Variants in CENPN observed in about 807,000 individuals in gnomAD.
The protein encoded by CENPN is centromere protein N, also known as interphase centromere complex protein 32.
In CENPN, 36 loss-of-function variants were observed where a neutral mutation model predicts 48.6. The ratio of observed to expected loss-of-function variants is 0.74; its 90% CI spans 0.57 to 0.98. The LOEUF is 0.98. Ranked by LOEUF, CENPN falls within the 50% of genes least tolerant of loss-of-function variation. The pLI is 0.00. For synonymous variants in CENPN, 166 were observed against 135.2 expected, an observed-to-expected ratio of 1.23 and a Z score of -1.58; for missense variants, 439 against 399.2, an observed-to-expected ratio of 1.10 and a Z score of -0.85.
chr16:81,023,606 C>T (rs931912704), intron 7 of CENPN: 2 of 152,124 alleles, frequency 1.3e-5, no homozygotes, highest in African/African-American at 4.8e-5. Flanking sequence ...CTACCTACTA[C>T]CCTCTCACCA....
intron 9 of CENPN, 22 bp from the exon 10 acceptor site, chr16:81,028,149 A>C (rs780892905): frequency 1.3e-6 from 2 of 1,546,222 alleles, no homozygotes; most frequent in Admixed American, 3.3e-5. Flanking sequence ...TTTAATAGTC[A>C]TTTATAAATG....
At chr16:81,011,071 T>G (rs1969722264) in intron 1 of CENPN, among the ~76,000 whole-genome samples, 2 of 152,282 alleles carry the variant, frequency 1.3e-5, no homozygotes, top group African/African-American at 2.4e-5. Context: ...TGACCTCACC[T>G]CCTTCTCTAT....
chr16:81,025,108 C>T (rs765897403), intron 8 of CENPN, among the ~76,000 whole-genome samples: 17 of 151,432 alleles, frequency 1.1e-4, no homozygotes, highest in Non-Finnish European at 2.2e-4. Flanking sequence ...TGTGAATAAG[C>T]GCCATTCATC....
Position 81,028,611 on chromosome 16 carries a change from C to A in CENPN, c.980C>A (p.Pro327His), listed in dbSNP as rs754823415. ...APLSPLLTCI[P>H]NKRMNYFKIR... is the part of the protein sequence containing the mutation. Reference sequence around the variant, plus strand: ...CTTTCTCCACTGCTCACTTGCATACCCAACAAGAGAATGAATTATTTTAAA... The same window carrying A: ...CTTTCTCCACTGCTCACTTGCATACACAACAAGAGAATGAATTATTTTAAA... Residue 327 changes from proline to histidine, a missense_variant, in exon 11 of 11, where the codon CCC becomes CAC. Coordinates refer to ENST00000305850, the MANE Select transcript of CENPN (RefSeq NM_001100624.3). 5.6e-6 allele frequency: 9 copies of A among 1,611,608 alleles called. No individual in the cohort carries two copies. Among genetic ancestry groups the A allele is most frequent in the Non-Finnish European group, 6.8e-6 (8 of 1,179,406 alleles).
chr16:81,028,268 T>C lies in CENPN; in HGVS notation c.908T>C (p.Leu303Pro). ...ATAAAGTTCTCTAGCCCACATCTTC[T>C]GGAAGCATTGAAATCCTTAGCACCA... The part of the protein sequence containing the change: ...CLIKFSSPHL[L>P]EALKSLAPAG... The change falls in exon 10 of 11, where the codon CTG (leucine) becomes CCG (proline). Residue 303 changes from leucine (L) to proline (P), a missense_variant. Transcript: ENST00000305850. 6.2e-7 allele frequency: 1 copy of C among 1,614,160 alleles called. No individual in the cohort carries two copies. The highest frequency in any genetic ancestry group is 8.5e-7 in the Non-Finnish European group (1 of 1,179,994).
intron 3 of CENPN, among the ~76,000 whole-genome samples, chr16:81,015,355 T>C (rs1597310060): frequency 6.6e-6 from 1 of 152,210 alleles, no homozygotes; most frequent in Non-Finnish European, 1.5e-5. Context: ...CTGGAGGAAG[T>C]TGGTTAACAT....
chr16:81,008,716 C>G (rs1969611181), intron 1 of CENPN, among the ~76,000 whole-genome samples: 1 of 152,194 alleles, frequency 6.6e-6, no homozygotes, highest in Non-Finnish European at 1.5e-5. Context: ...CCCAGGTTGT[C>G]TCCTCAGGCA....
intron 1 of CENPN, among the ~76,000 whole-genome samples, chr16:81,010,484 C>CT (rs1969694630): frequency 6.6e-6 from 1 of 152,156 alleles, no homozygotes; most frequent in Non-Finnish European, 1.5e-5. Flanking sequence ...ATTAAGGAAT[C>CT]TCACCCTCAG....
chr16:81,030,264 A>G lies in CENPN; in HGVS notation c.*1613A>G, dbSNP rs1970710948. 2 of 985,452 alleles carry G rather than the reference A, an allele frequency of 2.0e-6. No individual in the cohort carries two copies. Among genetic ancestry groups the G allele is most frequent in the Non-Finnish European group, 2.4e-6 (2 of 829,930 alleles). The allele number at this position is 985,452 out of a possible 1,614,324, so 61.0% of individuals were successfully genotyped here. On this transcript the variant is annotated 3_prime_UTR_variant, in exon 11 of 11. Coordinates refer to ENST00000305850, the MANE Select transcript of CENPN (RefSeq NM_001100624.3). ...GTCTTTTTTAAACATTTTAAAATCT[A>G]TTCTTTATCTTGTTTCAGAGAGGAT...
intron 4 of CENPN, 72 bp downstream of exon 4, chr16:81,017,457 CT>C (rs1969978863): frequency 2.9e-6 from 3 of 1,049,758 alleles, no homozygotes; most frequent in Non-Finnish European, 4.4e-6. Context: ...TTACAGCGAG[CT>C]GAGATTGCAC....
chr16:81,026,107 A>G lies in CENPN; in HGVS notation c.698-419A>G, dbSNP rs941538829. 4.2e-5 allele frequency among the ~76,000 whole-genome samples: 6 copies of G among 142,266 alleles called. No homozygotes were observed. The South Asian group carries it at 9.1e-4, about 22-fold the overall frequency. The allele number at this position is 142,266 out of a possible 152,430, so 93.3% of individuals were successfully genotyped here. Reference sequence around the variant, plus strand: ...TGTGTGTGTATATATATGTGTGTGTATATATATATGTATATATATGTGTGT... The same window carrying G: ...TGTGTGTGTATATATATGTGTGTGTGTATATATATGTATATATATGTGTGT... On this transcript the variant is annotated intron_variant, in intron 8 of 10. Coordinates refer to ENST00000305850, the MANE Select transcript of CENPN (RefSeq NM_001100624.3).
At chr16:81,032,676 A>G (rs1350663875), downstream of CENPN, 2 of 1,608,888 alleles carry the variant, frequency 1.2e-6, no homozygotes, top group Non-Finnish European at 1.7e-6. Context: ...TGTTTGTCCC[A>G]TTGTATCCAA....
intron 1 of CENPN, among the ~76,000 whole-genome samples, chr16:81,009,431 C>T (rs577010024): frequency 6.6e-6 from 1 of 152,104 alleles, no homozygotes; most frequent in Non-Finnish European, 1.5e-5. Context: ...GTAGTTGGAG[C>T]TCAGAAAACC....
At position 81,022,621 on chromosome 16, in the gene CENPN, C is replaced by T; in HGVS notation, c.556C>T (p.His186Tyr). The change falls in exon 7 of 11, where the codon CAT becomes TAT. Residue 186 changes from histidine to tyrosine, a missense_variant. Coordinates refer to ENST00000305850, the MANE Select transcript of CENPN (RefSeq NM_001100624.3). ...GQALTIASKHHQIVKMDLRSR... is the reference protein window; with the variant it reads ...GQALTIASKHYQIVKMDLRSR... ...GGCGCTGACAATTGCTAGCAAACAC[C>T]ATCAGATTGTGAAAATGGACCTGAG... 1 of 1,614,026 alleles carries T rather than the reference C, an allele frequency of 6.2e-7. No individual in the cohort carries two copies. The highest frequency in any genetic ancestry group is 8.5e-7 in the Non-Finnish European group (1 of 1,179,968).
chr16:81,021,282 T>C (rs1970181891), intron 6 of CENPN, among the ~76,000 whole-genome samples: 1 of 152,266 alleles, frequency 6.6e-6, no homozygotes, highest in African/African-American at 2.4e-5. Context: ...CTGCTTCTCT[T>C]TATGGTTCTG....
intron 5 of CENPN, 143 bp downstream of exon 5, chr16:81,017,977 A>T: frequency 3.5e-6 from 2 of 573,056 alleles, no homozygotes; most frequent in Admixed American, 3.6e-5. Flanking sequence ...TATCAGAAAC[A>T]CACTGTAAAT....
chr16:81,026,141 ATG>A (rs1366054698), intron 8 of CENPN, among the ~76,000 whole-genome samples: 3 of 144,522 alleles, frequency 2.1e-5, no homozygotes, highest in Non-Finnish European at 3.0e-5. Flanking sequence ...GTATATATAT[ATG>A]TATATATATA....
At chr16:81,016,003 CA>C (rs34585116) in intron 3 of CENPN, among the ~76,000 whole-genome samples, 66 of 140,886 alleles carry the variant, frequency 4.7e-4, no homozygotes, top group Non-Finnish European at 4.5e-4. Flanking sequence ...GACTCTGTCT[CA>C]AAAAAAAAAA....
chr16:81,032,600 G>A, downstream of CENPN: 1 of 1,611,454 alleles, frequency 6.2e-7, no homozygotes, highest in Non-Finnish European at 8.5e-7. Flanking sequence ...AAGCTGCTCT[G>A]CTATTCTGGA....
Sources: allele counts gnomAD v4.1 joint callset (sites outside exome capture counted in the v4.1 genomes callset), GRCh38; gene constraint gnomAD v4.1.1; transcripts MANE v1.5; gene names NCBI Gene and HGNC (gene_info 2026-07-23, HGNC 2026-07-21).